The following HYOU1 variants were observed in gnomAD, a reference collection of about 807,000 sequenced individuals.
The protein encoded by HYOU1 is hypoxia up-regulated protein 1.
Under a neutral mutation model 120.5 loss-of-function variants are expected in HYOU1, and 40 were observed. The ratio of observed to expected loss-of-function variants is 0.33; its 90% CI spans 0.26 to 0.43. The LOEUF is 0.43. Among genes scored for constraint, HYOU1 ranks in the 20% least tolerant of loss-of-function variants. The pLI, the probability that HYOU1 is intolerant of heterozygous loss-of-function variation, is 1.00. For missense variants in HYOU1, 1,085 were observed against 1,278.3 expected (o/e 0.85, Z 2.31); for synonymous variants, 501 against 479.4 (o/e 1.05, Z -0.59).
rs1318646522 is a variant in HYOU1 at position 119,045,355 on chromosome 11, T to A, written c.*238A>T. On this transcript the variant is annotated 3_prime_UTR_variant, in exon 26 of 26. Transcript: ENST00000617285. ...TTCCCAAATTTAGGGCCTATATGGG[T>A]AGGGAACAGGGAGTGGGGCTGGGGA... is the stretch of plus-strand genomic sequence containing the variant. The A allele has an allele frequency of 1.5e-6, 1 of 668,496 alleles. No homozygotes were observed. The highest frequency in any genetic ancestry group is 1.8e-5 in the African/African-American group (1 of 56,286). The allele number at this position is 668,496 out of a possible 1,614,324, so 41.4% of individuals were successfully genotyped here.
Position 119,051,412 on chromosome 11 carries a change from T to G in HYOU1, c.1526+26A>C. ...AGCCACGCCTCCCCCTCCCTGGAGC[T>G]CCCATCCTACACCCCTGCCCCTCAC... On this transcript the variant is annotated intron_variant, in intron 13 of 25. Transcript: ENST00000617285. This position sits in a 1 kb window ranked among gnomAD's most constrained non-coding sequence, Gnocchi z 4.2. 6.2e-7 allele frequency: 1 copy of G among 1,610,548 alleles called. No homozygotes were observed. Among genetic ancestry groups the G allele is most frequent in the Non-Finnish European group, 8.5e-7 (1 of 1,177,564 alleles).
chr11:119,045,154 G>T lies in HYOU1; in HGVS notation c.*439C>A, dbSNP rs1315425092. On this transcript the variant is annotated 3_prime_UTR_variant, in exon 26 of 26. Transcript: ENST00000617285. ...GGTAACTGAGGCTCTGCAGACACTG[G>T]CCTGAAAGGATGCTCATCGCATGGT... The T allele has an allele frequency of 2.2e-6, 1 of 457,502 alleles. No homozygotes were observed. 28.3% of individuals were successfully genotyped at this position (457,502 alleles called of 1,614,324 possible).
Position 119,046,661 on chromosome 11 carries a change from T to C in HYOU1, c.2737A>G (p.Lys913Glu), listed in dbSNP as rs1944096290. The C allele has an allele frequency of 6.2e-7, 1 of 1,614,202 alleles. No individual in the cohort carries two copies. Among genetic ancestry groups the C allele is most frequent in the Admixed American group, 1.7e-5 (1 of 60,024 alleles). Residue 913 changes from lysine to glutamate, a missense_variant, in exon 23 of 26, where the codon AAG (lysine) becomes GAG (glutamate). Lys to Glu is a moderately conservative substitution (Grantham distance 56, BLOSUM62 1). Transcript: ENST00000617285. ...QYLLNKAKFT[K>E]PRPRPKDKNG... ...TTGTCCTTAGGCCGGGGCCGGGGCT[T>C]GGTAAACTTGGCCTTATTGAGCAGA...
In HYOU1 at chr11:119,055,610, G is replaced by A. The variant is rs1944708003; in HGVS notation, c.186-39C>T. The A allele has an allele frequency of 6.4e-7, 1 of 1,568,520 alleles. No individual in the cohort carries two copies. ...ATTTTGGGCCCAGGTGCCTGCAGCA[G>A]AAGGACTCAGAAGCCTCGACACTCA... On this transcript the variant is annotated intron_variant, in intron 3 of 25. Transcript: ENST00000617285. This position sits in a 1 kb window ranked among gnomAD's most constrained non-coding sequence, Gnocchi z 4.0.
chr11:119,050,995 G>A (rs1944406962), intron 14 of HYOU1, 40 bp downstream of exon 14: 1 of 1,606,492 alleles, frequency 6.2e-7, no homozygotes. Flanking sequence ...GGCAGGGCCT[G>A]AGCCCCTGCT....
At chr11:119,053,775 A>T (rs1343708667) in intron 8 of HYOU1, 5 of 189,320 alleles carry the variant, frequency 2.6e-5, no homozygotes, top group Non-Finnish European at 5.4e-5. Flanking sequence ...CCATAAAAAA[A>T]AATTTAAAAA....
In HYOU1 at chr11:119,054,818, C is replaced by T. The variant is rs2133608274; in HGVS notation, c.497-143G>A. 753 of 1,065,440 alleles carry T rather than the reference C, an allele frequency of 7.1e-4. 3 individuals are homozygous for T. The African/African-American group carries it at 0.011, about 15-fold the overall frequency. The allele number at this position is 1,065,440 out of a possible 1,614,324, so 66.0% of individuals were successfully genotyped here. On this transcript the variant is annotated intron_variant, in intron 6 of 25. Transcript: ENST00000617285. ...ACTGTAGGATGTTGAGCAGCATCCCCGGCCTCTACCCACTAGATAGCAGGT... is the reference window on the plus strand; with the variant it reads ...ACTGTAGGATGTTGAGCAGCATCCCTGGCCTCTACCCACTAGATAGCAGGT...
In HYOU1 at chr11:119,048,111, G is replaced by A; in HGVS notation, c.2377-31C>T. 1 of 1,613,480 alleles carries A rather than the reference G, an allele frequency of 6.2e-7. No individual in the cohort carries two copies. Among genetic ancestry groups the A allele is most frequent in the Non-Finnish European group, 8.5e-7 (1 of 1,180,034 alleles). ...GGATGTGCGATTGGGCAGAGGGGTG[G>A]AAGGGACGACAGCAGAGCCTGGAGT... On this transcript the variant is annotated intron_variant, in intron 20 of 25. Transcript: ENST00000617285. This position sits in a 1 kb window ranked among gnomAD's most constrained non-coding sequence, Gnocchi z 4.7.
chr11:119,048,015 C>T lies in HYOU1; in HGVS notation c.2442G>A (p.Glu814=), dbSNP rs1592135996. Residue 814 remains glutamate (E), a synonymous_variant, in exon 21 of 26, where the codon GAG becomes GAA. Transcript: ENST00000617285. The surrounding 1 kb of genome is among the most constrained non-coding windows in gnomAD (Gnocchi z 4.7). ...LCQGLFFRVE[E]RKKWPERLSA... is the part of the protein sequence containing the mutation. ...ACAGCCGTTCGGGCCACTTCTTGCG[C>T]TCCTCTACCCGAAAAAACAGCCCTT... 6.2e-7 allele frequency: 1 copy of T among 1,614,200 alleles called. No individual in the cohort carries two copies. Among genetic ancestry groups the T allele is most frequent in the Non-Finnish European group, 8.5e-7 (1 of 1,180,034 alleles).
At chr11:119,050,122 G>A (rs192862908) in intron 14 of HYOU1, among the ~76,000 whole-genome samples, 8 of 152,276 alleles carry the variant, frequency 5.3e-5, no homozygotes, top group African/African-American at 7.2e-5. Context: ...CTTCAAAAAC[G>A]GATTCCTGGC....
Position 119,052,723 on chromosome 11 carries a change from C to T in HYOU1, c.901G>A (p.Glu301Lys), listed in dbSNP as rs1169933080. 1 of 1,614,092 alleles carries T rather than the reference C, an allele frequency of 6.2e-7. No homozygotes were observed. Among genetic ancestry groups the T allele is most frequent in the Non-Finnish European group, 8.5e-7 (1 of 1,180,034 alleles). Reference sequence around the variant, plus strand: ...AGCTTGGCCATGGCACGCGGGTTCTCCCGCACATCCTTTGCTCTCTGACCC... The same window carrying T: ...AGCTTGGCCATGGCACGCGGGTTCTTCCGCACATCCTTTGCTCTCTGACCC... ...RKGQRAKDVR[E>K]NPRAMAKLLR... Residue 301 changes from glutamate to lysine, a missense_variant, in exon 9 of 26, where the codon GAG becomes AAG. This residue lies in a region of HYOU1 where 515 missense variants were observed against 677.8 expected (regional missense o/e 0.76). Transcript: ENST00000617285. This position sits in a 1 kb window ranked among gnomAD's most constrained non-coding sequence, Gnocchi z 5.0.
rs1944022003 is a variant in HYOU1 at position 119,045,721 on chromosome 11, T to C, written c.2938+60A>G. On this transcript the variant is annotated intron_variant, in intron 25 of 25. Coordinates refer to ENST00000617285, the MANE Select transcript of HYOU1 (RefSeq NM_006389.5). ...AACAGAGGAACCAACCCCAGTTCTT[T>C]GCAAAGGATTTCCTGAGACCCCACC... is the stretch of plus-strand genomic sequence containing the variant. 10 of 1,613,480 alleles carry C rather than the reference T, an allele frequency of 6.2e-6. No individual in the cohort carries two copies. In the Admixed American group the frequency reaches 1.3e-4, roughly 22 times the overall value.
rs1168817 is a variant in HYOU1 at position 119,052,841 on chromosome 11, A to G, written c.795-12T>C. 1 of 1,605,170 alleles carries G rather than the reference A, an allele frequency of 6.2e-7. No homozygotes were observed. The highest frequency in any genetic ancestry group is 8.5e-7 in the Non-Finnish European group (1 of 1,175,304). ...GGGTACGGTCAAATCTGTTGAGAAA[A>G]GGGAGCAGGGAAAAAAGTGAAGAAC... On this transcript the variant is annotated splice_polypyrimidine_tract_variant and intron_variant, in intron 8 of 25. Transcript: ENST00000617285. The surrounding 1 kb of genome is among the most constrained non-coding windows in gnomAD (Gnocchi z 5.0).
Position 119,051,231 on chromosome 11 carries a change from A to G in HYOU1, c.1527-58T>C. On this transcript the variant is annotated intron_variant, in intron 13 of 25. Transcript: ENST00000617285. This position sits in a 1 kb window ranked among gnomAD's most constrained non-coding sequence, Gnocchi z 4.2. ...CCCACCCCAGCCCATCTCGCCCTCT[A>G]GACTACATGGCCTCCTGGCACAAGG... The G allele has an allele frequency of 6.2e-7, 1 of 1,604,318 alleles. No homozygotes were observed. Among genetic ancestry groups the G allele is most frequent in the Non-Finnish European group, 8.5e-7 (1 of 1,173,912 alleles).
Position 119,051,889 on chromosome 11 carries a change from G to C in HYOU1, c.1268C>G (p.Ala423Gly). ...EAAAMGAVYQAAALSKAFKVK... is the reference protein window; with the variant it reads ...EAAAMGAVYQGAALSKAFKVK... ...TTTAAAGGCTTTGCTGAGCGCAGCT[G>C]CCTGGTACACTGCCCCCATGGCGGC... is the stretch of plus-strand genomic sequence containing the variant. The change falls in exon 12 of 26, where the codon GCA (alanine) becomes GGA (glycine). Residue 423 changes from alanine to glycine, a missense_variant. By Grantham distance (60) the Ala-to-Gly change is moderately conservative. Transcript: ENST00000617285. This position sits in a 1 kb window ranked among gnomAD's most constrained non-coding sequence, Gnocchi z 4.2. 1 of 1,614,180 alleles carries C rather than the reference G, an allele frequency of 6.2e-7. No homozygotes were observed. Among genetic ancestry groups the C allele is most frequent in the Non-Finnish European group, 8.5e-7 (1 of 1,180,018 alleles).
At position 119,054,541 on chromosome 11, in the gene HYOU1, G is replaced by C. The variant is rs1351833114; in HGVS notation, c.631C>G (p.Leu211Val). ...TTCCGGCGGAAGACACCATAGCTGA[G>C]GGCAGTGGCGGTGTTGTCATTGATG... ...QLINDNTATA[L>V]SYGVFRRKDI... The change falls in exon 7 of 26, where the codon CTC becomes GTC. Residue 211 changes from leucine (L) to valine (V), a missense_variant. Physicochemically the swap from Leu to Val is conservative, Grantham distance 32. This residue lies in a region of HYOU1 where 515 missense variants were observed against 677.8 expected (regional missense o/e 0.76). Transcript: ENST00000617285. 6.2e-7 allele frequency: 1 copy of C among 1,614,214 alleles called. No individual in the cohort carries two copies. The highest frequency in any genetic ancestry group is 1.6e-4 in the Middle Eastern group (1 of 6,062).
chr11:119,054,373 C>T, intron 7 of HYOU1, 121 bp downstream of exon 7: 3 of 1,209,726 alleles, frequency 2.5e-6, no homozygotes, highest in Admixed American at 1.8e-5. Flanking sequence ...TGGGAGGAGG[C>T]TATTGGTGCA....
rs2133579263 is a variant in HYOU1, at chr11:119,050,541, C to T, written c.1665+494G>A. Reference sequence around the variant, plus strand: ...AGACCAGTCTGGCAACATAGTGAGACCCTATCTCTATAAATAAAGTACAAA... The same window carrying T: ...AGACCAGTCTGGCAACATAGTGAGATCCTATCTCTATAAATAAAGTACAAA... On this transcript the variant is annotated intron_variant, in intron 14 of 25. Transcript: ENST00000617285. 9.9e-5 allele frequency among the ~76,000 whole-genome samples: 15 copies of T among 151,436 alleles called. No individual in the cohort carries two copies. The South Asian group carries it at 3.1e-3, about 32-fold the overall frequency.
chr11:119,047,999 C>T lies in HYOU1; in HGVS notation c.2458G>A (p.Glu820Lys), dbSNP rs2133560182. Residue 820 changes from glutamate to lysine, a missense_variant, in exon 21 of 26, where the codon GAA becomes AAA. Glu to Lys is a moderately conservative substitution (Grantham distance 56). Coordinates refer to ENST00000617285, the MANE Select transcript of HYOU1 (RefSeq NM_006389.5). ...FRVEERKKWP[E>K]RLSALDNLLN... ...AGATTATCGAGGGCAGACAGCCGTT[C>T]GGGCCACTTCTTGCGCTCCTCTACC... 21 of 1,614,164 alleles carry T rather than the reference C, an allele frequency of 1.3e-5. No individual in the cohort carries two copies. The highest frequency in any genetic ancestry group is 1.1e-5 in the Non-Finnish European group (13 of 1,180,014).
Sources: allele counts gnomAD v4.1 joint callset (sites outside exome capture counted in the v4.1 genomes callset), GRCh38; gene constraint gnomAD v4.1.1; regional missense constraint gnomAD v4.1.1; non-coding constraint Gnocchi (gnomAD v3.1); transcripts MANE v1.5; gene names NCBI Gene and HGNC (gene_info 2026-07-23, HGNC 2026-07-21).